TAFA1: variants seen among roughly 807,000 people sequenced by gnomAD.
The protein encoded by TAFA1 is chemokine-like protein TAFA-1.
In TAFA1, 4 loss-of-function variants were observed where a neutral mutation model predicts 18.5. That is an observed-to-expected ratio of 0.22 (90% confidence interval 0.11 to 0.49). The LOEUF (loss-of-function observed/expected upper bound fraction) is 0.49, where lower values mean the gene tolerates loss of function less well. Among genes scored for constraint, TAFA1 ranks in the 20% least tolerant of loss-of-function variants. TAFA1 has a pLI of 0.98. For missense variants in TAFA1, 147 were observed against 169.0 expected, an observed-to-expected ratio of 0.87 and a Z score of 0.72; for synonymous variants, 56 against 55.2, an observed-to-expected ratio of 1.01 and a Z score of -0.06.
intron 2 of TAFA1, among the ~76,000 whole-genome samples, chr3:68,031,750 A>C (rs1704939588): frequency 6.6e-6 from 1 of 152,188 alleles, no homozygotes; most frequent in Non-Finnish European, 1.5e-5. Flanking sequence ...GTGAACATCC[A>C]TCCCAAAATA....
At chr3:68,465,683 C>T (rs188992745) in intron 3 of TAFA1, among the ~76,000 whole-genome samples, 37 of 152,282 alleles carry the variant, frequency 2.4e-4, no homozygotes, top group Non-Finnish European at 4.0e-4. Flanking sequence ...GTGGCCACTT[C>T]GTCTCTAGCC....
chr3:68,252,373 C>T (rs2067213258), intron 2 of TAFA1, among the ~76,000 whole-genome samples: 1 of 152,146 alleles, frequency 6.6e-6, no homozygotes, highest in South Asian at 2.1e-4. Flanking sequence ...TGGTCACCTT[C>T]AGACTATATT....
chr3:68,425,119 C>T (rs1473933531), intron 3 of TAFA1, among the ~76,000 whole-genome samples: 2 of 151,942 alleles, frequency 1.3e-5, no homozygotes, highest in Non-Finnish European at 2.9e-5. Flanking sequence ...ATCTAGAGAG[C>T]TTCCAGAGCA....
intron 2 of TAFA1, among the ~76,000 whole-genome samples, chr3:68,186,362 A>ACC (rs776119197): frequency 4.6e-4 from 70 of 152,028 alleles, no homozygotes; most frequent in Non-Finnish European, 9.3e-4. Flanking sequence ...GTAAGTTGAA[A>ACC]ATGCCTCCGA....
At chr3:68,363,446 G>A (rs971424433) in intron 2 of TAFA1, among the ~76,000 whole-genome samples, 1 of 152,104 alleles carries the variant, frequency 6.6e-6, no homozygotes, top group East Asian at 1.9e-4. Context: ...CCACTTGATA[G>A]ATGAAAACAC....
intron 2 of TAFA1, among the ~76,000 whole-genome samples, chr3:68,185,215 G>A (rs2066255061): frequency 1.3e-5 from 2 of 152,246 alleles, no homozygotes; most frequent in South Asian, 4.1e-4. Context: ...GGAAGGATGA[G>A]TAGGAGCCAG....
At chr3:68,127,299 G>A (rs1298811676) in intron 2 of TAFA1, among the ~76,000 whole-genome samples, 1 of 152,114 alleles carries the variant, frequency 6.6e-6, no homozygotes, top group South Asian at 2.1e-4. Flanking sequence ...GTGTGAGAGA[G>A]AGAAAATGGA....
At chr3:68,211,635 T>G (rs1406616980) in intron 2 of TAFA1, among the ~76,000 whole-genome samples, 1 of 152,014 alleles carries the variant, frequency 6.6e-6, no homozygotes, top group Non-Finnish European at 1.5e-5. Flanking sequence ...GAAAAGAGGT[T>G]TATTTGGCTC....
At chr3:68,307,965 T>C (rs769957921) in intron 2 of TAFA1, among the ~76,000 whole-genome samples, 8 of 152,216 alleles carry the variant, frequency 5.3e-5, no homozygotes, top group Non-Finnish European at 7.4e-5. Flanking sequence ...AATTATTATA[T>C]ATTTTTAAGA....
At chr3:68,127,121 C>G (rs558519781) in intron 2 of TAFA1, among the ~76,000 whole-genome samples, 1 of 152,272 alleles carries the variant, frequency 6.6e-6, no homozygotes, top group South Asian at 2.1e-4. Context: ...TGACTTTTGA[C>G]TCAATCAGAA....
In TAFA1 at chr3:68,481,729, C is replaced by A. The variant is rs144011503; in HGVS notation, c.260-57027C>A. ...ATAGGCATATATCAATATGTCGTAG[C>A]TTTTTTAATTGGTCTAAGTTTTTGA... On this transcript the variant is annotated intron_variant, in intron 3 of 4. Coordinates refer to ENST00000478136, the MANE Select transcript of TAFA1 (RefSeq NM_213609.4). 5.5e-4 allele frequency among the ~76,000 whole-genome samples: 83 copies of A among 152,198 alleles called. 1 individual carries two copies. Among genetic ancestry groups the A allele is most frequent in the African/African-American group, 2.0e-3 (81 of 41,506 alleles).
intron 2 of TAFA1, among the ~76,000 whole-genome samples, chr3:68,350,798 C>T (rs907857330): frequency 2.0e-5 from 3 of 152,190 alleles, no homozygotes; most frequent in African/African-American, 7.2e-5. Flanking sequence ...AATAAGTAGT[C>T]GTGTGGCCGT....
At chr3:68,137,112 T>G (rs1354084915) in intron 2 of TAFA1, among the ~76,000 whole-genome samples, 2 of 152,150 alleles carry the variant, frequency 1.3e-5, no homozygotes, top group Admixed American at 6.5e-5. Flanking sequence ...GAAATAGGAG[T>G]ACTTTATGGG....
At chr3:68,076,303 T>A (rs2064823125) in intron 2 of TAFA1, among the ~76,000 whole-genome samples, 1 of 151,930 alleles carries the variant, frequency 6.6e-6, no homozygotes, top group African/African-American at 2.4e-5. Flanking sequence ...GAATGTTTGT[T>A]TGTTTGTTTG....
At chr3:68,487,485 C>T (rs2072366041) in intron 3 of TAFA1, among the ~76,000 whole-genome samples, 2 of 152,048 alleles carry the variant, frequency 1.3e-5, no homozygotes, top group Non-Finnish European at 2.9e-5. Context: ...TGGTAGCTTA[C>T]ACCTGTAATC....
intron 2 of TAFA1, among the ~76,000 whole-genome samples, chr3:68,162,533 T>G (rs1314779075): frequency 6.6e-6 from 1 of 152,166 alleles, no homozygotes; most frequent in African/African-American, 2.4e-5. Flanking sequence ...GGACCCCTGG[T>G]CTGGACCACT....
chr3:68,259,754 A>G (rs1267967816), intron 2 of TAFA1, among the ~76,000 whole-genome samples: 1 of 151,734 alleles, frequency 6.6e-6, no homozygotes. Flanking sequence ...TTATTGGTGT[A>G]TAAGAATGCT....
chr3:68,082,259 G>C (rs2064913896), intron 2 of TAFA1, among the ~76,000 whole-genome samples: 1 of 152,222 alleles, frequency 6.6e-6, no homozygotes. Flanking sequence ...TGGAAATGCA[G>C]AAATCACCAT....
At chr3:68,094,617 C>G (rs924051163) in intron 2 of TAFA1, among the ~76,000 whole-genome samples, 1 of 152,160 alleles carries the variant, frequency 6.6e-6, no homozygotes, top group Non-Finnish European at 1.5e-5. Flanking sequence ...AGGGAACAGA[C>G]ATACTGAGCC....
Sources: allele counts gnomAD v4.1 joint callset (sites outside exome capture counted in the v4.1 genomes callset), GRCh38; gene constraint gnomAD v4.1.1; transcripts MANE v1.5; gene names NCBI Gene and HGNC (gene_info 2026-07-23, HGNC 2026-07-21).